Variants in CNTNAP5 observed in about 807,000 individuals in gnomAD.
The protein encoded by CNTNAP5 is contactin-associated protein-like 5.
A neutral mutation model predicts 150.2 loss-of-function variants in CNTNAP5; 72 were observed. The observed-to-expected ratio is 0.48, with a 90% CI of 0.40 to 0.58. The LOEUF is 0.58. Among genes scored for constraint, CNTNAP5 ranks in the 20% least tolerant of loss-of-function variants. The probability of loss-of-function intolerance (pLI) is 0.00; values close to 1 mark genes in which losing one functional copy is unlikely to be tolerated. For synonymous variants in CNTNAP5, 672 were observed against 619.8 expected, an observed-to-expected ratio of 1.08 and a Z score of -1.25; for missense variants, 1,636 against 1,626.2, an observed-to-expected ratio of 1.01 and a Z score of -0.10.
intron 21 of CNTNAP5, among the ~76,000 whole-genome samples, chr2:124,874,407 T>G (rs900892062): frequency 2.6e-4 from 40 of 152,132 alleles, no homozygotes; most frequent in African/African-American, 8.9e-4. Flanking sequence ...TTATCACTGT[T>G]ATTTCTAAGT....
intron 13 of CNTNAP5, among the ~76,000 whole-genome samples, chr2:124,649,544 G>T (rs958666151): frequency 3.9e-5 from 6 of 152,134 alleles, no homozygotes; most frequent in African/African-American, 1.4e-4. Flanking sequence ...TATCAATTTG[G>T]CTACACCATT....
chr2:124,372,104 G>T (rs891242304), intron 3 of CNTNAP5, among the ~76,000 whole-genome samples: 14 of 151,998 alleles, frequency 9.2e-5, no homozygotes, highest in African/African-American at 3.1e-4. Flanking sequence ...AGTAGAAGAA[G>T]GGGGATATTC....
intron 19 of CNTNAP5, among the ~76,000 whole-genome samples, chr2:124,841,024 G>A (rs1042220241): frequency 6.6e-6 from 1 of 152,122 alleles, no homozygotes; most frequent in Non-Finnish European, 1.5e-5. Context: ...ATGAGATGCT[G>A]AGGATGTGTT....
chr2:124,647,958 G>C lies in CNTNAP5; in HGVS notation c.2077G>C (p.Asp693His). Residue 693 changes from aspartate to histidine, a missense_variant and splice_region_variant, in exon 13 of 24, where the codon GAT becomes CAT. Asp to His is a moderately conservative substitution (Grantham distance 81). Transcript: ENST00000682447. ...CRRSRLLNTP[D>H]GTPFTWWIGR... ...GAGGTCCCGCCTGCTCAACACGCCG[G>C]GTAAGGCCTCTGCATGCATGACCAC... 1 of 1,592,946 alleles carries C rather than the reference G, an allele frequency of 6.3e-7. No individual in the cohort carries two copies. Among genetic ancestry groups the C allele is most frequent in the Non-Finnish European group, 8.5e-7 (1 of 1,170,210 alleles).
chr2:124,222,930 A>C (rs1427848241), intron 2 of CNTNAP5, among the ~76,000 whole-genome samples: 1 of 152,128 alleles, frequency 6.6e-6, no homozygotes, highest in Non-Finnish European at 1.5e-5. Flanking sequence ...TTGTTGAGAA[A>C]GCTGTTTAAG....
intron 11 of CNTNAP5, among the ~76,000 whole-genome samples, chr2:124,586,442 T>G (rs1696539717): frequency 6.6e-6 from 1 of 152,190 alleles, no homozygotes; most frequent in Non-Finnish European, 1.5e-5. Context: ...GCAGGACACA[T>G]GATTTTACCT....
chr2:124,789,322 A>G (rs1681666790), intron 17 of CNTNAP5, among the ~76,000 whole-genome samples: 1 of 152,100 alleles, frequency 6.6e-6, no homozygotes, highest in East Asian at 1.9e-4. Flanking sequence ...AGGAACTACA[A>G]TCTTTCACTT....
chr2:124,272,658 T>G (rs780034), intron 3 of CNTNAP5, among the ~76,000 whole-genome samples: 1 of 152,152 alleles, frequency 6.6e-6, no homozygotes, highest in East Asian at 1.9e-4. Context: ...ATTAGCTATA[T>G]GCTGATCAGA....
chr2:124,438,606 T>C (rs1397442879), intron 5 of CNTNAP5, among the ~76,000 whole-genome samples: 1 of 152,148 alleles, frequency 6.6e-6, no homozygotes, highest in East Asian at 1.9e-4. Context: ...CGCCAAAGCA[T>C]GTGATTGCAT....
rs779427556 is a variant in CNTNAP5, at chr2:124,647,991, T to C, written c.2077+33T>C. ...CTCTGCATGCATGACCACAGTGGGA[T>C]AGATGGGACCCTCAGACCTGGAGTA... On this transcript the variant is annotated intron_variant, in intron 13 of 23. Coordinates refer to ENST00000682447, the MANE Select transcript of CNTNAP5 (RefSeq NM_001367498.1). 5.8e-6 allele frequency: 9 copies of C among 1,553,926 alleles called. No individual in the cohort carries two copies. The African/African-American group carries it at 1.1e-4, about 19-fold the overall frequency.
At chr2:124,908,997 A>G (rs1173712856) in intron 22 of CNTNAP5, among the ~76,000 whole-genome samples, 1 of 152,206 alleles carries the variant, frequency 6.6e-6, no homozygotes, top group African/African-American at 2.4e-5. Context: ...AAAAGTTCAC[A>G]AAGTAAAATA....
intron 3 of CNTNAP5, among the ~76,000 whole-genome samples, chr2:124,285,722 G>A (rs1363215703): frequency 6.6e-6 from 1 of 152,108 alleles, no homozygotes; most frequent in Admixed American, 6.5e-5. Context: ...AGGATCACTT[G>A]AGCCCAGGAG....
rs932955762 is a variant in CNTNAP5, at chr2:124,308,670, T to C, written c.381+66277T>C. Among the ~76,000 whole-genome samples, 6 of 152,230 alleles carry C rather than the reference T, an allele frequency of 3.9e-5. No individual in the cohort carries two copies. In the South Asian group the frequency reaches 8.3e-4, roughly 21 times the overall value. ...AAACTTGCCTCTTGAACTGTAGATT[T>C]ATCTTCTAAATGAAGTATCAGGTGT... On this transcript the variant is annotated intron_variant, in intron 3 of 23. Coordinates refer to ENST00000682447, the MANE Select transcript of CNTNAP5 (RefSeq NM_001367498.1).
chr2:124,546,665 T>C (rs1463470144), intron 10 of CNTNAP5, among the ~76,000 whole-genome samples: 2 of 152,026 alleles, frequency 1.3e-5, no homozygotes, highest in East Asian at 3.9e-4. Flanking sequence ...AACTCAGGAG[T>C]CATAAGCAGA....
At chr2:124,687,921 G>C (rs1312134903) in intron 13 of CNTNAP5, among the ~76,000 whole-genome samples, 1 of 152,038 alleles carries the variant, frequency 6.6e-6, no homozygotes, top group Non-Finnish European at 1.5e-5. Flanking sequence ...TTCAAAAATT[G>C]AAGAATTTAT....
intron 13 of CNTNAP5, among the ~76,000 whole-genome samples, chr2:124,700,256 C>T (rs1411519449): frequency 1.3e-5 from 2 of 152,104 alleles, no homozygotes; most frequent in African/African-American, 2.4e-5. Flanking sequence ...TTTGTTTACC[C>T]GTTCCTCAAT....
chr2:124,083,065 C>T (rs1465054717), intron 1 of CNTNAP5, among the ~76,000 whole-genome samples: 2 of 151,996 alleles, frequency 1.3e-5, no homozygotes, highest in African/African-American at 4.8e-5. Flanking sequence ...AAAATACTTT[C>T]TCAGGCTGGG....
intron 19 of CNTNAP5, among the ~76,000 whole-genome samples, chr2:124,857,625 A>G (rs1435767225): frequency 6.6e-6 from 1 of 152,008 alleles, no homozygotes; most frequent in South Asian, 2.1e-4. Flanking sequence ...CAGGATTTCA[A>G]GTCCAGCCTG....
intron 6 of CNTNAP5, among the ~76,000 whole-genome samples, chr2:124,457,722 C>CT (rs1381951341): frequency 2.6e-5 from 4 of 151,806 alleles, no homozygotes; most frequent in African/African-American, 9.7e-5. Flanking sequence ...ATTTATTATA[C>CT]TTTAAGTTCT....
Sources: gnomAD v4.1 joint callset for allele counts (sites outside exome capture counted in the v4.1 genomes callset) on GRCh38, gnomAD v4.1.1 for gene constraint, MANE v1.5 for transcripts, NCBI Gene and HGNC (gene_info 2026-07-23, HGNC 2026-07-21) for gene names.